Variants in ASCC3 observed in about 807,000 individuals in gnomAD.
The protein encoded by ASCC3 is activating signal cointegrator 1 complex subunit 3.
In ASCC3, 158 loss-of-function variants were observed where a neutral mutation model predicts 256.3. The ratio of observed to expected loss-of-function variants is 0.62; its 90% CI spans 0.54 to 0.70. The LOEUF (loss-of-function observed/expected upper bound fraction) is 0.70, where lower values mean the gene tolerates loss of function less well. Among genes scored for constraint, ASCC3 ranks in the 30% least tolerant of loss-of-function variants. ASCC3 has a pLI of 0.00. For synonymous variants in ASCC3, 948 were observed against 883.4 expected, an observed-to-expected ratio of 1.07 and a Z score of -1.30; for missense variants, 2,259 against 2,626.0, an observed-to-expected ratio of 0.86 and a Z score of 3.05.
intron 4 of ASCC3, among the ~76,000 whole-genome samples, chr6:100,843,841 G>A (rs1772263609): frequency 6.6e-6 from 1 of 151,624 alleles, no homozygotes; most frequent in Admixed American, 6.6e-5. Context: ...AGCTAAGAAG[G>A]CATAGATAAA....
At chr6:100,625,404 C>T in intron 29 of ASCC3, 70 bp from the exon 30 acceptor site, 1 of 1,529,254 alleles carries the variant, frequency 6.5e-7, no homozygotes. Flanking sequence ...ATTAGGATAT[C>T]AAATGGATAC....
At chr6:100,572,809 T>C (rs1373934117) in intron 36 of ASCC3, among the ~76,000 whole-genome samples, 1 of 152,154 alleles carries the variant, frequency 6.6e-6, no homozygotes, top group Non-Finnish European at 1.5e-5. Flanking sequence ...TGTTAGTAAT[T>C]AAGCTCTGTA....
chr6:100,590,061 T>C lies in ASCC3; in HGVS notation c.5304-2A>G. ...CTCACATCACCCAAATTGTAATAGC[T>C]AGAAAACAAGCAAGGTTATTATTAT... On this transcript the variant is annotated splice_acceptor_variant, in intron 34 of 41. Coordinates refer to ENST00000369162, the MANE Select transcript of ASCC3 (RefSeq NM_006828.4). LOFTEE classifies it high-confidence loss of function. 6.3e-7 allele frequency: 1 copy of C among 1,599,070 alleles called. No homozygotes were observed. The highest frequency in any genetic ancestry group is 8.6e-7 in the Non-Finnish European group (1 of 1,166,454).
At chr6:100,682,589 C>T (rs1341216409) in intron 13 of ASCC3, among the ~76,000 whole-genome samples, 1 of 152,138 alleles carries the variant, frequency 6.6e-6, no homozygotes, top group Non-Finnish European at 1.5e-5. Flanking sequence ...TCATCCATCC[C>T]AAGATATTTA....
chr6:100,594,207 T>TA (rs1772158932), intron 34 of ASCC3, among the ~76,000 whole-genome samples: 26 of 152,210 alleles, frequency 1.7e-4, no homozygotes, highest in Admixed American at 1.0e-3. Flanking sequence ...ATTATAAAAA[T>TA]GGTCTTTCTT....
At chr6:100,762,136 T>A (rs567383605) in intron 10 of ASCC3, among the ~76,000 whole-genome samples, 2 of 152,300 alleles carry the variant, frequency 1.3e-5, no homozygotes, top group Non-Finnish European at 2.9e-5. Context: ...TGCTTGGGCC[T>A]AAGAGATCTG....
intron 8 of ASCC3, among the ~76,000 whole-genome samples, chr6:100,781,135 A>C (rs1220885559): frequency 1.3e-5 from 2 of 152,158 alleles, no homozygotes; most frequent in African/African-American, 2.4e-5. Context: ...ATTTTGATTA[A>C]ATCATAATTA....
At chr6:100,615,248 C>T (rs1380063946) in intron 30 of ASCC3, among the ~76,000 whole-genome samples, 1 of 152,144 alleles carries the variant, frequency 6.6e-6, no homozygotes, top group African/African-American at 2.4e-5. Context: ...GCTGGGATTA[C>T]AGGCATGAGC....
chr6:100,831,160 A>C (rs705592), intron 4 of ASCC3, among the ~76,000 whole-genome samples: 108,167 of 151,738 alleles, frequency 0.71, 38,786 homozygotes, highest in East Asian at 0.75. Context: ...AATAAAAACA[A>C]TAAAATATAT....
At chr6:100,845,147 T>C (rs941641715) in intron 4 of ASCC3, among the ~76,000 whole-genome samples, 1 of 152,158 alleles carries the variant, frequency 6.6e-6, no homozygotes, top group East Asian at 1.9e-4. Context: ...TAAACTTCAG[T>C]GCGCCTGTGT....
At position 100,518,089 on chromosome 6, in the gene ASCC3, G is replaced by T. The variant is rs775484253; in HGVS notation, c.5829C>A (p.Ile1943=). ...NQGWLVTVLN[I]TNLIQMVIQG... is the part of the protein sequence containing the mutation. Reference sequence around the variant, plus strand: ...GGATCACCATCTGAATCAGGTTGGTGATATTCAGGACAGTCACCAGCCAGC... The same window carrying T: ...GGATCACCATCTGAATCAGGTTGGTTATATTCAGGACAGTCACCAGCCAGC... Residue 1943 remains isoleucine (I), a synonymous_variant, in exon 38 of 42, where the codon ATC becomes ATA. Coordinates refer to ENST00000369162, the MANE Select transcript of ASCC3 (RefSeq NM_006828.4). 6.2e-7 allele frequency: 1 copy of T among 1,613,692 alleles called. No individual in the cohort carries two copies. Among genetic ancestry groups the T allele is most frequent in the South Asian group, 1.1e-5 (1 of 91,078 alleles).
chr6:100,522,233 T>C (rs1160762301), intron 37 of ASCC3, among the ~76,000 whole-genome samples: 2 of 152,128 alleles, frequency 1.3e-5, no homozygotes, highest in African/African-American at 4.8e-5. Context: ...TGACACTTTC[T>C]TCTACAAAGT....
At chr6:100,760,900 A>C (rs1781390677) in intron 10 of ASCC3, among the ~76,000 whole-genome samples, 1 of 152,196 alleles carries the variant, frequency 6.6e-6, no homozygotes, top group Non-Finnish European at 1.5e-5. Flanking sequence ...GTAAAGGAGA[A>C]AACATGACGG....
At chr6:100,872,292 A>T (rs1000304996) in intron 1 of ASCC3, among the ~76,000 whole-genome samples, 47 of 152,144 alleles carry the variant, frequency 3.1e-4, no homozygotes, top group African/African-American at 1.1e-3. Context: ...AAAAAGTAGA[A>T]AGCAAGACTT....
chr6:100,875,024 A>G (rs1299289944), intron 1 of ASCC3, among the ~76,000 whole-genome samples: 1 of 152,248 alleles, frequency 6.6e-6, no homozygotes, highest in Non-Finnish European at 1.5e-5. Context: ...TCTGATAATC[A>G]GAATCACTGA....
At chr6:100,732,374 G>A (rs1172194860) in intron 10 of ASCC3, among the ~76,000 whole-genome samples, 1 of 152,058 alleles carries the variant, frequency 6.6e-6, no homozygotes, top group Non-Finnish European at 1.5e-5. Flanking sequence ...TGTTTGGGGT[G>A]TACTTTTGGG....
In ASCC3 at chr6:100,818,054, G is replaced by A. The variant is rs140032681; in HGVS notation, c.802-12174C>T. Among the ~76,000 whole-genome samples the A allele has an allele frequency of 3.9e-4, 60 of 152,200 alleles. 1 individual carries two copies. The highest frequency in any genetic ancestry group is 1.4e-3 in the African/African-American group (59 of 41,518). On this transcript the variant is annotated intron_variant, in intron 4 of 41. Transcript: ENST00000369162. Reference sequence around the variant, plus strand: ...ATATAGAAAACGAATTATAAATCATGATAGTGAGATTAATGTCAGGGATAC... The same window carrying A: ...ATATAGAAAACGAATTATAAATCATAATAGTGAGATTAATGTCAGGGATAC...
At chr6:100,781,405 A>G (rs796108553) in intron 8 of ASCC3, among the ~76,000 whole-genome samples, 21 of 152,138 alleles carry the variant, frequency 1.4e-4, no homozygotes, top group African/African-American at 5.1e-4. Flanking sequence ...TGTTTTTAAG[A>G]CAGAGTCTTG....
At chr6:100,857,748 A>G (rs1023225552) in intron 3 of ASCC3, 4 of 152,098 alleles carry the variant, frequency 2.6e-5, no homozygotes, top group Admixed American at 6.6e-5. Context: ...TATCTTTATA[A>G]TAAGTTTTAA....
Sources: allele counts gnomAD v4.1 joint callset (sites outside exome capture counted in the v4.1 genomes callset), GRCh38; gene constraint gnomAD v4.1.1; transcripts MANE v1.5; gene names NCBI Gene and HGNC (gene_info 2026-07-23, HGNC 2026-07-21).